CEP70: variants seen among roughly 807,000 people sequenced by gnomAD.
CEP70 encodes the protein centrosomal protein of 70 kDa.
In CEP70, 70 loss-of-function variants were observed where a neutral mutation model predicts 90.9. The observed-to-expected ratio is 0.77, with a 90% CI of 0.64 to 0.94. The LOEUF (loss-of-function observed/expected upper bound fraction) is 0.94. Ranked by LOEUF, CEP70 falls within the 40% of genes least tolerant of loss-of-function variation. The probability of loss-of-function intolerance (pLI) is 0.00; values close to 1 mark genes in which losing one functional copy is unlikely to be tolerated. For synonymous variants in CEP70, 220 were observed against 228.3 expected (o/e 0.96, Z 0.33); for missense variants, 648 against 669.0 (o/e 0.97, Z 0.35).
chr3:138,547,925 T>G (rs1366693264), intron 6 of CEP70, among the ~76,000 whole-genome samples: 2 of 152,166 alleles, frequency 1.3e-5, no homozygotes, highest in Admixed American at 1.3e-4. Flanking sequence ...TGAACTGCAA[T>G]TGACTGACCA....
At chr3:138,518,506 G>C (rs187633955) in intron 11 of CEP70, among the ~76,000 whole-genome samples, 1 of 152,304 alleles carries the variant, frequency 6.6e-6, no homozygotes, top group Non-Finnish European at 1.5e-5. Flanking sequence ...TGATCGGGCA[G>C]CAACATTTGC....
chr3:138,529,132 C>A, intron 10 of CEP70, 67 bp downstream of exon 10: 1 of 944,272 alleles, frequency 1.1e-6, no homozygotes, highest in Non-Finnish European at 1.6e-6. Context: ...CACCACTGCA[C>A]TTGGCCTGAG....
intron 11 of CEP70, among the ~76,000 whole-genome samples, chr3:138,523,856 C>G (rs2036937371): frequency 6.6e-6 from 1 of 151,980 alleles, no homozygotes; most frequent in Admixed American, 6.6e-5. Context: ...ACTTTCTTCA[C>G]AGAATTGGAA....
chr3:138,537,001 CAAA>C (rs57447148), intron 7 of CEP70, 174 bp downstream of exon 7: 2,485 of 248,494 alleles, frequency 0.01, no homozygotes, highest in East Asian at 0.013. Context: ...ACCTCTAGAA[CAAA>C]AAAAAAAAAA....
chr3:138,559,416 T>A (rs545783929), intron 6 of CEP70, among the ~76,000 whole-genome samples: 1 of 152,294 alleles, frequency 6.6e-6, no homozygotes, highest in South Asian at 2.1e-4. Context: ...AAAACTCGCC[T>A]AGGCACAAAG....
chr3:138,507,641 G>A (rs2035106520), intron 12 of CEP70, among the ~76,000 whole-genome samples: 1 of 152,134 alleles, frequency 6.6e-6, no homozygotes, highest in Non-Finnish European at 1.5e-5. Context: ...AGAGAAAAAA[G>A]TAGCGTATTA....
chr3:138,589,916 G>A (rs919137691), intron 2 of CEP70, among the ~76,000 whole-genome samples: 5 of 152,044 alleles, frequency 3.3e-5, no homozygotes, highest in Admixed American at 3.3e-4. Context: ...TACTTCCCGA[G>A]GAATCTAACA....
intron 8 of CEP70, chr3:138,531,634 C>A (rs1188900319): frequency 6.6e-6 from 1 of 151,560 alleles, no homozygotes; most frequent in African/African-American, 2.4e-5. Context: ...CTGAAAAGAA[C>A]ATAAAGCAAG....
intron 2 of CEP70, among the ~76,000 whole-genome samples, chr3:138,574,049 C>T (rs1293252324): frequency 4.6e-5 from 7 of 152,162 alleles, no homozygotes; most frequent in African/African-American, 7.2e-5. Context: ...GTGATTTCTG[C>T]GTTTCCAACT....
At chr3:138,584,461 CAAAAAAAAA>C (rs35985463) in intron 2 of CEP70, among the ~76,000 whole-genome samples, 1 of 92,176 alleles carries the variant, frequency 1.1e-5, no homozygotes. Flanking sequence ...AAAGACATAT[CAAAAAAAAA>C]AAAAAAAAAG....
intron 2 of CEP70, 37 bp downstream of exon 2, chr3:138,591,817 T>G: frequency 9.2e-6 from 14 of 1,522,700 alleles, no homozygotes; most frequent in Non-Finnish European, 1.2e-5. Context: ...TTCCATGGCC[T>G]CCCAACATCT....
chr3:138,495,602 A>C (rs1299875336), intron 17 of CEP70, among the ~76,000 whole-genome samples: 1 of 152,190 alleles, frequency 6.6e-6, no homozygotes, highest in East Asian at 1.9e-4. Flanking sequence ...CTATAATCCC[A>C]GCACTTTGGG....
chr3:138,518,617 G>A (rs892092243), intron 11 of CEP70, among the ~76,000 whole-genome samples: 1 of 152,212 alleles, frequency 6.6e-6, no homozygotes, highest in Non-Finnish European at 1.5e-5. Context: ...CTGCAGCTGA[G>A]GGTCCTGTCT....
intron 17 of CEP70, among the ~76,000 whole-genome samples, chr3:138,495,383 G>T (rs1478318014): frequency 6.6e-6 from 1 of 152,196 alleles, no homozygotes; most frequent in Non-Finnish European, 1.5e-5. Flanking sequence ...TGATATGTTA[G>T]TGTCTCATTA....
chr3:138,548,520 C>T (rs552343333), intron 6 of CEP70, among the ~76,000 whole-genome samples: 1 of 152,258 alleles, frequency 6.6e-6, no homozygotes, highest in Non-Finnish European at 1.5e-5. Flanking sequence ...AGATTGTGAC[C>T]CTGCTTACTC....
chr3:138,535,269 T>A (rs1037422564), intron 7 of CEP70, among the ~76,000 whole-genome samples: 1 of 152,186 alleles, frequency 6.6e-6, no homozygotes, highest in Non-Finnish European at 1.5e-5. Flanking sequence ...CTATTAATAT[T>A]CTATAGTTCC....
At chr3:138,506,248 T>C (rs922496889) in intron 12 of CEP70, among the ~76,000 whole-genome samples, 15 of 151,878 alleles carry the variant, frequency 9.9e-5, no homozygotes, top group African/African-American at 3.4e-4. Context: ...CTTTGGGAGG[T>C]TGAGGCAGGA....
At chr3:138,498,723 C>T (rs950853049) in intron 16 of CEP70, among the ~76,000 whole-genome samples, 1 of 151,938 alleles carries the variant, frequency 6.6e-6, no homozygotes, top group Non-Finnish European at 1.5e-5. Context: ...AAATAATTGG[C>T]TTTTACACCC....
chr3:138,547,538 T>G (rs1416085493), intron 6 of CEP70, among the ~76,000 whole-genome samples: 2 of 152,222 alleles, frequency 1.3e-5, no homozygotes, highest in Admixed American at 1.3e-4. Context: ...CTTAGCAACC[T>G]CAGCAATTTT....
Sources: gnomAD v4.1 joint callset for allele counts (sites outside exome capture counted in the v4.1 genomes callset) on GRCh38, gnomAD v4.1.1 for gene constraint, MANE v1.5 for transcripts, NCBI Gene and HGNC (gene_info 2026-07-23, HGNC 2026-07-21) for gene names.